The following ADGRL4 variants were observed in gnomAD, a reference collection of about 807,000 sequenced individuals.
The protein encoded by ADGRL4 is adhesion G protein-coupled receptor L4, also known as EGF, latrophilin and seven transmembrane domain containing 1.
In ADGRL4, 90 loss-of-function variants were observed where a neutral mutation model predicts 74.8. That is an observed-to-expected ratio of 1.20 (90% confidence interval 1.02 to 1.43). The LOEUF is 1.43. Among genes scored for constraint, ADGRL4 ranks in the 40% most tolerant of loss-of-function variants. The probability of loss-of-function intolerance (pLI) is 0.00; values close to 1 mark genes in which losing one functional copy is unlikely to be tolerated. For missense variants in ADGRL4, 881 were observed against 814.3 expected (o/e 1.08, Z -1.00); for synonymous variants, 311 against 279.2 (o/e 1.11, Z -1.14).
intron 12 of ADGRL4, among the ~76,000 whole-genome samples, chr1:78,896,182 A>T (rs1648394568): frequency 6.6e-6 from 1 of 152,094 alleles, no homozygotes. Context: ...TCACTTTCTT[A>T]GCTCCTCAAG....
intron 3 of ADGRL4, among the ~76,000 whole-genome samples, chr1:78,942,168 C>T (rs1341224223): frequency 1.9e-4 from 19 of 101,206 alleles, no homozygotes; most frequent in Admixed American, 2.3e-4. Context: ...AGCGAGACTC[C>T]GTCTCAAAAA....
rs139847665 is a variant in ADGRL4, at chr1:78,900,393, C to T, written c.1750-7204G>A. 3.1e-3 allele frequency among the ~76,000 whole-genome samples: 479 copies of T among 152,202 alleles called. 5 individuals are homozygous for T. The highest frequency in any genetic ancestry group is 0.011 in the African/African-American group (453 of 41,544). On this transcript the variant is annotated intron_variant, in intron 12 of 14. Transcript: ENST00000370742. Reference sequence around the variant, plus strand: ...TAACCTACAGAACTGTGAGATAATACGTTTGTGTCGTCTTAGGCCACTGAA... The same window carrying T: ...TAACCTACAGAACTGTGAGATAATATGTTTGTGTCGTCTTAGGCCACTGAA...
rs932416836 is a variant in ADGRL4, at chr1:78,943,175, GA to G, written c.325+3098del. Among the ~76,000 whole-genome samples the G allele has an allele frequency of 1.8e-4, 27 of 151,350 alleles. 1 individual carries two copies. Among genetic ancestry groups the G allele is most frequent in the African/African-American group, 5.8e-4 (24 of 41,266 alleles). Reference sequence around the variant, plus strand: ...CAAAATTTAATATTATTCAAAGCTAGAAAAAAAAATCTACAATTATCATCGA... The same window carrying G: ...CAAAATTTAATATTATTCAAAGCTAGAAAAAAAATCTACAATTATCATCGA... On this transcript the variant is annotated intron_variant, in intron 3 of 14. Transcript: ENST00000370742.
At chr1:78,969,036 A>C (rs1650116071) in intron 2 of ADGRL4, among the ~76,000 whole-genome samples, 1 of 152,190 alleles carries the variant, frequency 6.6e-6, no homozygotes. Context: ...TTTTGATTGG[A>C]ATATTGCTGA....
At chr1:78,962,358 C>G (rs1553137756) in intron 2 of ADGRL4, among the ~76,000 whole-genome samples, 1 of 152,130 alleles carries the variant, frequency 6.6e-6, no homozygotes, top group Non-Finnish European at 1.5e-5. Flanking sequence ...AACTCAATAG[C>G]TACTAGACAT....
intron 2 of ADGRL4, among the ~76,000 whole-genome samples, chr1:78,957,934 G>C (rs1649868328): frequency 6.6e-6 from 1 of 152,176 alleles, no homozygotes; most frequent in Non-Finnish European, 1.5e-5. Context: ...TTGATTTTAA[G>C]TTGATGCCAG....
chr1:78,916,731 A>G (rs995576346), intron 12 of ADGRL4, among the ~76,000 whole-genome samples: 1 of 151,864 alleles, frequency 6.6e-6, no homozygotes, highest in African/African-American at 2.4e-5. Flanking sequence ...GGAAGACAGA[A>G]AAAGAAATTC....
intron 12 of ADGRL4, among the ~76,000 whole-genome samples, chr1:78,909,096 T>C (rs1648704317): frequency 6.6e-6 from 1 of 151,958 alleles, no homozygotes; most frequent in South Asian, 2.1e-4. Context: ...AAGGTTAGAG[T>C]ATTAAAGTGC....
chr1:78,984,661 A>G (rs1031200483), intron 2 of ADGRL4, among the ~76,000 whole-genome samples: 4 of 151,194 alleles, frequency 2.6e-5, no homozygotes, highest in African/African-American at 9.8e-5. Context: ...GAAAGCAGAC[A>G]ACAGAGTAGT....
intron 3 of ADGRL4, among the ~76,000 whole-genome samples, chr1:78,945,177 A>AAAAAAAAAAAATATATAT (rs376405445): frequency 2.5e-4 from 32 of 127,910 alleles, no homozygotes; most frequent in Non-Finnish European, 4.5e-4. Context: ...AAAAAAAAAA[A>AAAAAAAAAAAATATATAT]ATATATATAT....
chr1:78,914,110 A>T (rs1188303888), intron 12 of ADGRL4, among the ~76,000 whole-genome samples: 7 of 151,866 alleles, frequency 4.6e-5, no homozygotes. Flanking sequence ...TGGCATGCTT[A>T]TAAGGGCTGC....
intron 2 of ADGRL4, among the ~76,000 whole-genome samples, chr1:78,991,356 G>T (rs762696124): frequency 3.9e-5 from 6 of 151,968 alleles, no homozygotes; most frequent in African/African-American, 1.4e-4. Context: ...ATATTTTGGC[G>T]TTCTTTGTGC....
In ADGRL4 at chr1:78,944,729, T is replaced by C. The variant is rs187760486; in HGVS notation, c.325+1545A>G. Among the ~76,000 whole-genome samples, 61 of 152,276 alleles carry C rather than the reference T, an allele frequency of 4.0e-4. 1 individual carries two copies. In the East Asian group the frequency reaches 0.012, roughly 29 times the overall value. On this transcript the variant is annotated intron_variant, in intron 3 of 14. Coordinates refer to ENST00000370742, the MANE Select transcript of ADGRL4 (RefSeq NM_022159.4). ...GACTGTGAGTGTAGCCTTACCTTTA[T>C]CCAAAATGTATGAATCTAGAGTAGT...
chr1:78,939,130 G>A (rs2100689397), intron 4 of ADGRL4, 58 bp downstream of exon 4: 6 of 1,471,306 alleles, frequency 4.1e-6, no homozygotes, highest in South Asian at 2.7e-5. Context: ...GACATTGAAA[G>A]CATTTTAATT....
chr1:78,997,863 G>A (rs1341356247), intron 2 of ADGRL4, among the ~76,000 whole-genome samples: 1 of 152,158 alleles, frequency 6.6e-6, no homozygotes, highest in Non-Finnish European at 1.5e-5. Context: ...GTAAACGCAG[G>A]TGGGTACAGT....
At chr1:78,958,071 G>A (rs149663301) in intron 2 of ADGRL4, among the ~76,000 whole-genome samples, 2 of 151,842 alleles carry the variant, frequency 1.3e-5, no homozygotes, top group East Asian at 3.9e-4. Context: ...TACCGAATAC[G>A]TTAAGCCCAT....
chr1:78,967,734 A>G (rs1431591256), intron 2 of ADGRL4, among the ~76,000 whole-genome samples: 1 of 152,182 alleles, frequency 6.6e-6, no homozygotes, highest in South Asian at 2.1e-4. Context: ...AAGCACAACA[A>G]GGATTTCTTA....
chr1:79,000,352 TG>T (rs1299379529), intron 2 of ADGRL4, among the ~76,000 whole-genome samples: 2 of 152,184 alleles, frequency 1.3e-5, no homozygotes, highest in Non-Finnish European at 2.9e-5. Flanking sequence ...TGAAACAAGA[TG>T]ATTTGGAAAA....
intron 2 of ADGRL4, among the ~76,000 whole-genome samples, chr1:78,992,806 A>G (rs757596442): frequency 6.6e-6 from 1 of 152,124 alleles, no homozygotes; most frequent in Non-Finnish European, 1.5e-5. Context: ...TACAAAAGCT[A>G]TATAATATAT....
Sources: allele counts gnomAD v4.1 joint callset (sites outside exome capture counted in the v4.1 genomes callset), GRCh38; gene constraint gnomAD v4.1.1; transcripts MANE v1.5; gene names NCBI Gene and HGNC (gene_info 2026-07-23, HGNC 2026-07-21).